Variants in KCNQ1OT1 observed in about 807,000 individuals in gnomAD.
KCNQ1OT1 encodes KCNQ1 opposite strand/antisense transcript 1.
At chr11:2,618,296 C>T in exon 1 of KCNQ1OT1, 2 of 398,538 alleles carry the variant, frequency 5.0e-6, no homozygotes, top group Admixed American at 4.4e-5. Context: ...ACAATAACAA[C>T]AGCTGATGGG....
exon 1 of KCNQ1OT1, chr11:2,692,953 CAAT>C: frequency 2.5e-6 from 1 of 398,668 alleles, no homozygotes; most frequent in South Asian, 1.3e-4. Flanking sequence ...CCCATACGCT[CAAT>C]AATGAGGCCC....
exon 1 of KCNQ1OT1, chr11:2,618,597 A>G (rs910944118): frequency 2.5e-6 from 1 of 398,582 alleles, no homozygotes; most frequent in African/African-American, 2.1e-5. Flanking sequence ...TGTTTGATCA[A>G]TAGTTTTGTA....
At chr11:2,665,272 G>GT (rs1300148658) in exon 1 of KCNQ1OT1, 2 of 398,416 alleles carry the variant, frequency 5.0e-6, no homozygotes, top group Admixed American at 8.8e-5. Flanking sequence ...CCCTGAGCCT[G>GT]TGTCTCCCAC....
At chr11:2,685,936 C>G in exon 1 of KCNQ1OT1, 1 of 398,774 alleles carries the variant, frequency 2.5e-6, no homozygotes, top group Non-Finnish European at 4.4e-6. Flanking sequence ...GGCCCACTCT[C>G]CCATCCTCCT....
At chr11:2,632,186 A>AAG (rs1243775865) in exon 1 of KCNQ1OT1, 1 of 342,276 alleles carries the variant, frequency 2.9e-6, no homozygotes, top group Non-Finnish European at 5.3e-6. Context: ...CTGCCTCAAA[A>AAG]AAAAAAAAAA....
rs1849157761 is a variant in KCNQ1OT1 at position 2,620,864 on chromosome 11, A to C, written n.79131T>G. 5.0e-6 allele frequency: 2 copies of C among 396,078 alleles called. No individual in the cohort carries two copies. Among genetic ancestry groups the C allele is most frequent in the Non-Finnish European group, 8.9e-6 (2 of 225,628 alleles). The allele number at this position is 396,078 out of a possible 1,614,324, so 24.5% of individuals were successfully genotyped here. A position where few individuals can be genotyped will look rare whatever the true frequency, so the allele number is the denominator to read the frequency against. ...CTTCCCAGCAACTTTTATTTTTTTGACTTTTTAATAATTGCCATTCTGACT... is the reference window on the plus strand; with the variant it reads ...CTTCCCAGCAACTTTTATTTTTTTGCCTTTTTAATAATTGCCATTCTGACT... On this transcript the variant is annotated non_coding_transcript_exon_variant, in exon 1 of 1. Coordinates refer to ENST00000597346, the Ensembl canonical transcript of KCNQ1OT1. This position sits in a 1 kb window ranked among gnomAD's most constrained non-coding sequence, Gnocchi z 4.5.
At chr11:2,634,077 G>C (rs771326173) in exon 1 of KCNQ1OT1, 1 of 396,750 alleles carries the variant, frequency 2.5e-6, no homozygotes, top group African/African-American at 2.1e-5. Context: ...GGTCTTTTGT[G>C]GTTCCATGCA....
exon 1 of KCNQ1OT1, chr11:2,655,846 T>C: frequency 7.5e-6 from 3 of 398,648 alleles, no homozygotes; most frequent in Admixed American, 4.4e-5. Flanking sequence ...CCTCTCCTCT[T>C]GAATTGGAAA....
chr11:2,628,554 A>T (rs1849297875), exon 1 of KCNQ1OT1: 2 of 398,294 alleles, frequency 5.0e-6, no homozygotes, highest in African/African-American at 4.1e-5. Flanking sequence ...AGCTTATCAG[A>T]TATATGGTTG....
Position 2,617,217 on chromosome 11 carries a change from C to G in KCNQ1OT1, n.82778G>C, listed in dbSNP as rs1044633244. 13 of 398,258 alleles carry G rather than the reference C, an allele frequency of 3.3e-5. No homozygotes were observed. The highest frequency in any genetic ancestry group is 4.9e-5 in the Non-Finnish European group (11 of 225,934). 24.7% of individuals were successfully genotyped at this position (398,258 alleles called of 1,614,324 possible). On this transcript the variant is annotated non_coding_transcript_exon_variant, in exon 1 of 1. Coordinates refer to ENST00000597346, the Ensembl canonical transcript of KCNQ1OT1. The surrounding 1 kb of genome is among the most constrained non-coding windows in gnomAD (Gnocchi z 4.6). ...CTACTTGGTATCCTTTGACCTACAT[C>G]TTTCCATTTTCTTCCCCCACACCTT...
In KCNQ1OT1 at chr11:2,612,850, C is replaced by G. The variant is rs1441339672; in HGVS notation, n.87145G>C. ...TACTTTAGATAATATATCGTAGAAA[C>G]TCTGGATTCTAGTTCTTCTCCCTAA... On this transcript the variant is annotated non_coding_transcript_exon_variant, in exon 1 of 1. Transcript: ENST00000597346. This position sits in a 1 kb window ranked among gnomAD's most constrained non-coding sequence, Gnocchi z 5.5. 1 of 398,334 alleles carries G rather than the reference C, an allele frequency of 2.5e-6. No individual in the cohort carries two copies. Among genetic ancestry groups the G allele is most frequent in the Non-Finnish European group, 4.4e-6 (1 of 226,044 alleles). 24.7% of individuals were successfully genotyped at this position (398,334 alleles called of 1,614,324 possible).
chr11:2,699,564 C>T (rs1850743433), exon 1 of KCNQ1OT1: 2 of 297,206 alleles, frequency 6.7e-6, no homozygotes, highest in Non-Finnish European at 5.6e-6. Flanking sequence ...GGAGGAGAAC[C>T]ATGCTGAGGA....
exon 1 of KCNQ1OT1, chr11:2,646,245 C>A: frequency 2.5e-6 from 1 of 398,480 alleles, no homozygotes; most frequent in East Asian, 3.6e-5. Context: ...CATCTTGAAG[C>A]CCCTGCTGAT....
At chr11:2,697,665 T>C in exon 1 of KCNQ1OT1, 1 of 398,596 alleles carries the variant, frequency 2.5e-6, no homozygotes, top group East Asian at 3.6e-5. Flanking sequence ...TTAATGTGAA[T>C]TACATGGATA....
In KCNQ1OT1 at chr11:2,661,921, G is replaced by C. The variant is rs765230551; in HGVS notation, n.38074C>G. On this transcript the variant is annotated non_coding_transcript_exon_variant, in exon 1 of 1. Transcript: ENST00000597346. The surrounding 1 kb of genome is among the most constrained non-coding windows in gnomAD (Gnocchi z 5.9). The stretch of plus-strand genomic sequence containing the variant: ...TGGCTCCACAGCACTGGCAGGTTGG[G>C]TGGGAGGCCTAACGTGCTGTCCCCA... The C allele has an allele frequency of 3.1e-6, 5 of 1,613,722 alleles. No homozygotes were observed. The highest frequency in any genetic ancestry group is 2.7e-5 in the African/African-American group (2 of 74,908).
At position 2,677,783 on chromosome 11, in the gene KCNQ1OT1, C is replaced by G; in HGVS notation, n.22212G>C. The stretch of plus-strand genomic sequence containing the variant: ...CTTTAAGAGATCCTCCCTTTCCCCC[C>G]ATTTCCAGCAGGATTAAAATGTTCA... On this transcript the variant is annotated non_coding_transcript_exon_variant, in exon 1 of 1. Transcript: ENST00000597346. The surrounding 1 kb of genome is among the most constrained non-coding windows in gnomAD (Gnocchi z 4.5). 2.5e-6 allele frequency: 1 copy of G among 398,542 alleles called. No individual in the cohort carries two copies. Among genetic ancestry groups the G allele is most frequent in the Non-Finnish European group, 4.4e-6 (1 of 226,020 alleles). 24.7% of individuals were successfully genotyped at this position (398,542 alleles called of 1,614,324 possible).
chr11:2,628,455 A>G (rs1298145405), exon 1 of KCNQ1OT1: 2 of 398,320 alleles, frequency 5.0e-6, no homozygotes, highest in African/African-American at 4.1e-5. Context: ...ATGTCTATTC[A>G]GTCCCTTGTC....
At chr11:2,643,622 G>A (rs1276363921) in exon 1 of KCNQ1OT1, 2 of 398,312 alleles carry the variant, frequency 5.0e-6, no homozygotes, top group African/African-American at 2.1e-5. Context: ...TGTCTTTTAA[G>A]TAGAAAGTTT....
At position 2,627,234 on chromosome 11, in the gene KCNQ1OT1, A is replaced by G. The variant is rs145928927; in HGVS notation, n.72761T>C. 3,104 of 398,540 alleles carry G rather than the reference A, an allele frequency of 7.8e-3. 64 individuals are homozygous for G. Among genetic ancestry groups the G allele is most frequent in the African/African-American group, 0.055 (2,670 of 48,728 alleles). The allele number at this position is 398,540 out of a possible 1,614,324, so 24.7% of individuals were successfully genotyped here. On this transcript the variant is annotated non_coding_transcript_exon_variant, in exon 1 of 1. Transcript: ENST00000597346. The surrounding 1 kb of genome is among the most constrained non-coding windows in gnomAD (Gnocchi z 4.9). ...ATTAAAAGTGCATATATTTAAGAAC[A>G]TATTTGACCTACTGTGAAATGATTA...
Sources: gnomAD v4.1 joint callset for allele counts on GRCh38, gnomAD v4.1.1 for gene constraint, Gnocchi (gnomAD v3.1) non-coding constraint, MANE v1.5 for transcripts, NCBI Gene and HGNC (gene_info 2026-07-23, HGNC 2026-07-21) for gene names.